ATG7: variants seen among roughly 807,000 people sequenced by gnomAD.
ATG7 encodes the protein autophagy related 7.
In ATG7, 70 loss-of-function variants were observed where a neutral mutation model predicts 82.4. The observed-to-expected ratio is 0.85, with a 90% CI of 0.70 to 1.04. ATG7 has a LOEUF of 1.04. ATG7 is among the 50% of genes least tolerant of loss of function. The pLI is 0.00. For synonymous variants in ATG7, 287 were observed against 313.0 expected, an observed-to-expected ratio of 0.92 and a Z score of 0.88; for missense variants, 792 against 864.3, an observed-to-expected ratio of 0.92 and a Z score of 1.05.
chr3:11,484,199 G>C (rs1318721696), intron 20 of ATG7, among the ~76,000 whole-genome samples: 1 of 152,170 alleles, frequency 6.6e-6, no homozygotes, highest in Non-Finnish European at 1.5e-5. Context: ...TTCGAGACCA[G>C]CCTGGCCAAT....
intron 14 of ATG7, among the ~76,000 whole-genome samples, chr3:11,352,313 T>G (rs930041697): frequency 8.5e-5 from 13 of 152,176 alleles, no homozygotes; most frequent in African/African-American, 3.1e-4. Flanking sequence ...AATAAACATA[T>G]GTGTGCATGT....
intron 20 of ATG7, among the ~76,000 whole-genome samples, chr3:11,513,332 G>T (rs2092147173): frequency 6.6e-6 from 1 of 152,154 alleles, no homozygotes; most frequent in East Asian, 1.9e-4. Flanking sequence ...CTGCACAGGA[G>T]CCCACGGGAG....
chr3:11,361,213 G>T (rs1401443956), intron 16 of ATG7, among the ~76,000 whole-genome samples: 1 of 151,932 alleles, frequency 6.6e-6, no homozygotes, highest in Non-Finnish European at 1.5e-5. Context: ...GGAGTGATGT[G>T]TAGGCTTGTC....
intron 20 of ATG7, among the ~76,000 whole-genome samples, chr3:11,437,208 T>C (rs986949330): frequency 6.6e-6 from 1 of 152,228 alleles, no homozygotes; most frequent in African/African-American, 2.4e-5. Context: ...GGATGTTAGC[T>C]CATTGTTTTT....
At chr3:11,411,526 A>G (rs2080891357) in intron 19 of ATG7, among the ~76,000 whole-genome samples, 1 of 147,614 alleles carries the variant, frequency 6.8e-6, no homozygotes, top group Non-Finnish European at 1.5e-5. Flanking sequence ...AGCCTGAGGC[A>G]GGAGACTCAC....
chr3:11,387,670 C>A (rs533504159), intron 19 of ATG7, among the ~76,000 whole-genome samples: 1 of 152,080 alleles, frequency 6.6e-6, no homozygotes, highest in Non-Finnish European at 1.5e-5. Flanking sequence ...ACCACTGTTC[C>A]CCTTAAAAAT....
chr3:11,452,410 G>GAAAAAAAAAAAAAAAAAAAAA (rs2085286455), intron 20 of ATG7, among the ~76,000 whole-genome samples: 1 of 110,720 alleles, frequency 9.0e-6, no homozygotes. Flanking sequence ...AAAAAAAAAG[G>GAAAAAAAAAAAAAAAAAAAAA]AAATGTTCTG....
rs373847275 is a variant in ATG7, at chr3:11,547,789, A to G, written c.2080-7022A>G. 1.4e-4 allele frequency among the ~76,000 whole-genome samples: 22 copies of G among 152,306 alleles called. No homozygotes were observed. In the South Asian group the frequency reaches 4.4e-3, roughly 30 times the overall value. On this transcript the variant is annotated intron_variant, in intron 20 of 20. Transcript: ENST00000693202. ...ACTAATTATGTTTGAGTATCATTTCATGTGCTTCTTAGCAATTTGTGTCTT... is the reference window on the plus strand; with the variant it reads ...ACTAATTATGTTTGAGTATCATTTCGTGTGCTTCTTAGCAATTTGTGTCTT...
chr3:11,329,446 A>G (rs1951332836), intron 9 of ATG7, among the ~76,000 whole-genome samples: 1 of 152,130 alleles, frequency 6.6e-6, no homozygotes, highest in African/African-American at 2.4e-5. Flanking sequence ...GGGTCAATTT[A>G]TGGTTCTCTG....
chr3:11,383,070 A>T (rs1190466204), intron 19 of ATG7, among the ~76,000 whole-genome samples: 1 of 152,198 alleles, frequency 6.6e-6, no homozygotes, highest in Non-Finnish European at 1.5e-5. Context: ...TCCTTATCAA[A>T]TTCAGGCAAT....
intron 20 of ATG7, among the ~76,000 whole-genome samples, chr3:11,540,940 C>CTG (rs1345117446): frequency 1.3e-5 from 2 of 148,800 alleles, no homozygotes; most frequent in Non-Finnish European, 3.0e-5. Flanking sequence ...TGCTCTGTCG[C>CTG]CCAGGCTGGA....
the ATG7 span, among the ~76,000 whole-genome samples, chr3:11,570,315 C>G: frequency 6.6e-6 from 1 of 152,156 alleles, no homozygotes; most frequent in Non-Finnish European, 1.5e-5. Context: ...ACCATTTCCA[C>G]CCACCTTCCT....
chr3:11,341,211 G>A (rs576386873), intron 12 of ATG7, among the ~76,000 whole-genome samples: 16 of 151,796 alleles, frequency 1.1e-4, no homozygotes, highest in East Asian at 7.8e-4. Flanking sequence ...ACAGGCACGC[G>A]CCACCATGCC....
chr3:11,445,076 A>G (rs2084394864), intron 20 of ATG7, among the ~76,000 whole-genome samples: 1 of 152,218 alleles, frequency 6.6e-6, no homozygotes, highest in African/African-American at 2.4e-5. Flanking sequence ...GGTTGTGGTG[A>G]AAAAGGAACG....
rs1951863304 is a variant in ATG7 at position 11,332,962 on chromosome 3, A to G, written c.768-10A>G. On this transcript the variant is annotated splice_polypyrimidine_tract_variant and intron_variant, in intron 10 of 20. Coordinates refer to ENST00000693202, the MANE Select transcript of ATG7 (RefSeq NM_001349232.2). Reference sequence around the variant, plus strand: ...ATAATAAATAAATAAAAATCCGGGCATGACAACAGGAGTAGCAGTTTCCAG... The same window carrying G: ...ATAATAAATAAATAAAAATCCGGGCGTGACAACAGGAGTAGCAGTTTCCAG... The G allele has an allele frequency of 1.4e-6, 2 of 1,464,300 alleles. No individual in the cohort carries two copies. Among genetic ancestry groups the G allele is most frequent in the African/African-American group, 1.5e-5 (1 of 68,016 alleles). The allele number at this position is 1,464,300 out of a possible 1,614,324, so 90.7% of individuals were successfully genotyped here. A position where few individuals can be genotyped will look rare whatever the true frequency, so the allele number is the denominator to read the frequency against.
Position 11,556,438 on chromosome 3 carries a change from A to C in ATG7, c.*1595A>C, listed in dbSNP as rs998876803. The C allele has an allele frequency of 1.3e-5, 2 of 152,538 alleles. No homozygotes were observed. Among genetic ancestry groups the C allele is most frequent in the African/African-American group, 4.8e-5 (2 of 41,308 alleles). The allele number at this position is 152,538 out of a possible 1,614,324, so 9.4% of individuals were successfully genotyped here. ...GACGCCCTTGTTCACTGACAAAGAG[A>C]CCTGTCCCAGGAGTGTCCTCCACCG... On this transcript the variant is annotated 3_prime_UTR_variant, in exon 21 of 21. Transcript: ENST00000693202.
rs573915999 is a variant in ATG7 at position 11,384,112 on chromosome 3, G to C, written c.1956+4060G>C. Among the ~76,000 whole-genome samples, 6 of 152,304 alleles carry C rather than the reference G, an allele frequency of 3.9e-5. No individual in the cohort carries two copies. The South Asian group carries it at 1.2e-3, about 32-fold the overall frequency. ...AAAGGAGTAAAGCTAGGCAGCTTCA[G>C]GTGTTCTTTGCAATAATAACCTTGT... On this transcript the variant is annotated intron_variant, in intron 19 of 20. Transcript: ENST00000693202.
chr3:11,467,144 C>CA (rs11294078), intron 20 of ATG7, among the ~76,000 whole-genome samples: 1 of 151,768 alleles, frequency 6.6e-6, no homozygotes, highest in African/African-American at 2.4e-5. Flanking sequence ...CAAAAACAAA[C>CA]AAAAAAAACT....
the ATG7 span, among the ~76,000 whole-genome samples, chr3:11,562,866 T>C: frequency 6.6e-6 from 1 of 152,122 alleles, no homozygotes; most frequent in South Asian, 2.1e-4. Flanking sequence ...CATAAAGATA[T>C]AGCTGGGGGG....
Sources: gnomAD v4.1 joint callset for allele counts (sites outside exome capture counted in the v4.1 genomes callset) on GRCh38, gnomAD v4.1.1 for gene constraint, MANE v1.5 for transcripts, NCBI Gene and HGNC (gene_info 2026-07-23, HGNC 2026-07-21) for gene names.